Variants in SYK observed in about 807,000 individuals in gnomAD.
SYK encodes tyrosine-protein kinase SYK.
In SYK, 16 loss-of-function variants were observed where a neutral mutation model predicts 77.8. The observed-to-expected ratio is 0.21, with a 90% CI of 0.14 to 0.31. The LOEUF (loss-of-function observed/expected upper bound fraction) is 0.31. Ranked by LOEUF, SYK falls within the 10% of genes least tolerant of loss-of-function variation. SYK has a pLI of 1.00. For synonymous variants in SYK, 312 were observed against 308.7 expected, an observed-to-expected ratio of 1.01 and a Z score of -0.11; for missense variants, 529 against 814.4, an observed-to-expected ratio of 0.65 and a Z score of 4.26.
chr9:90,849,961 G>T (rs1011313472), intron 3 of SYK, among the ~76,000 whole-genome samples: 1 of 152,258 alleles, frequency 6.6e-6, no homozygotes, highest in Non-Finnish European at 1.5e-5. Context: ...GGATACATCA[G>T]TAACATACAC....
chr9:90,850,351 A>T (rs1348634177), intron 3 of SYK, among the ~76,000 whole-genome samples: 1 of 152,098 alleles, frequency 6.6e-6, no homozygotes, highest in Non-Finnish European at 1.5e-5. Context: ...CCCCATCTCT[A>T]CTAACAGTAT....
At position 90,884,484 on chromosome 9, in the gene SYK, CACAT is replaced by C. The variant is rs1261533685; in HGVS notation, c.1582-3261_1582-3258del. ...ATATGTGTGTACATATACATACACA[CACAT>C]ACACATATGTGTACATGTACATACA... On this transcript the variant is annotated intron_variant, in intron 11 of 13. Transcript: ENST00000375754. 6.6e-3 allele frequency among the ~76,000 whole-genome samples: 386 copies of C among 58,502 alleles called. 179 individuals carry two copies. Among genetic ancestry groups the C allele is most frequent in the African/African-American group, 0.027 (370 of 13,566 alleles). The allele number at this position is 58,502 out of a possible 152,430, so 38.4% of individuals were successfully genotyped here.
chr9:90,817,175 C>T (rs1260422227), intron 1 of SYK, among the ~76,000 whole-genome samples: 1 of 151,964 alleles, frequency 6.6e-6, no homozygotes, highest in African/African-American at 2.4e-5. Flanking sequence ...CCAGTGTGGC[C>T]CAGGAAAGCC....
At chr9:90,813,599 T>A (rs1048021353) in intron 1 of SYK, among the ~76,000 whole-genome samples, 2 of 152,190 alleles carry the variant, frequency 1.3e-5, no homozygotes, top group African/African-American at 4.8e-5. Context: ...TGGGTTGCTA[T>A]CAAGCTCAGA....
chr9:90,867,049 A>G (rs2118825323), intron 6 of SYK, 82 bp from the exon 7 acceptor site: 3 of 1,537,502 alleles, frequency 2.0e-6, no homozygotes, highest in Non-Finnish European at 1.8e-6. Context: ...ATAGAAGCAA[A>G]TTTAAGTAGC....
At chr9:90,863,738 G>A (rs983744232) in intron 4 of SYK, among the ~76,000 whole-genome samples, 1 of 152,150 alleles carries the variant, frequency 6.6e-6, no homozygotes, top group African/African-American at 2.4e-5. Flanking sequence ...GAATGCAAAG[G>A]CACCTGGAGT....
At chr9:90,841,315 G>A (rs560376207) in intron 1 of SYK, among the ~76,000 whole-genome samples, 3 of 150,792 alleles carry the variant, frequency 2.0e-5, no homozygotes, top group Non-Finnish European at 4.4e-5. Context: ...TTTGTGTGCT[G>A]CACGTAGTGT....
intron 1 of SYK, among the ~76,000 whole-genome samples, chr9:90,825,569 G>A (rs1409679021): frequency 6.6e-6 from 1 of 152,196 alleles, no homozygotes; most frequent in African/African-American, 2.4e-5. Flanking sequence ...TCAAAACAGT[G>A]GTCAGTGGTA....
intron 4 of SYK, among the ~76,000 whole-genome samples, chr9:90,863,690 A>T (rs950371694): frequency 3.3e-5 from 5 of 152,200 alleles, no homozygotes; most frequent in African/African-American, 1.2e-4. Context: ...AAAGCCCCAA[A>T]GCACATCAGG....
intron 11 of SYK, among the ~76,000 whole-genome samples, chr9:90,880,499 A>G (rs576631311): frequency 2.0e-5 from 3 of 152,276 alleles, no homozygotes; most frequent in Admixed American, 2.0e-4. Flanking sequence ...ACAGCAGCCT[A>G]GGATGACCAG....
At chr9:90,845,134 C>G (rs191498082) in intron 2 of SYK, among the ~76,000 whole-genome samples, 65 of 152,250 alleles carry the variant, frequency 4.3e-4, no homozygotes, top group African/African-American at 1.4e-3. Context: ...TGGGGTTTCA[C>G]CATGCTGGCC....
At chr9:90,882,160 T>C (rs893286454) in intron 11 of SYK, among the ~76,000 whole-genome samples, 7 of 152,254 alleles carry the variant, frequency 4.6e-5, no homozygotes, top group African/African-American at 1.7e-4. Flanking sequence ...TAAATTTCAT[T>C]GCATTTAAGA....
intron 3 of SYK, among the ~76,000 whole-genome samples, chr9:90,854,555 C>T (rs1024013361): frequency 1.3e-5 from 2 of 152,046 alleles, no homozygotes; most frequent in African/African-American, 4.8e-5. Context: ...TCTTGGGACC[C>T]TAGAAGTGCT....
At chr9:90,819,376 T>G (rs113441169) in intron 1 of SYK, among the ~76,000 whole-genome samples, 4,283 of 152,280 alleles carry the variant, frequency 0.028, 222 homozygotes, top group African/African-American at 0.098. Context: ...CACAGTGTAT[T>G]AGTTCATTTT....
intron 1 of SYK, among the ~76,000 whole-genome samples, chr9:90,841,556 TGTA>T (rs56651623): frequency 0.26 from 39,280 of 149,082 alleles, 5,291 homozygotes; most frequent in South Asian, 0.35. Flanking sequence ...ATGTGTGTGG[TGTA>T]GTGTGTGTGA....
At chr9:90,890,684 C>G (rs556101923) in intron 13 of SYK, among the ~76,000 whole-genome samples, 3 of 152,326 alleles carry the variant, frequency 2.0e-5, no homozygotes, top group South Asian at 4.1e-4. Context: ...AATCACAGCT[C>G]TTTATCAGAC....
chr9:90,877,926 C>A, intron 10 of SYK, 146 bp downstream of exon 10: 1 of 729,686 alleles, frequency 1.4e-6, no homozygotes, highest in Non-Finnish European at 2.3e-6. Flanking sequence ...GGGACCTTGA[C>A]AGAGGGACAG....
At chr9:90,824,208 C>G (rs960439741) in intron 1 of SYK, among the ~76,000 whole-genome samples, 3 of 152,062 alleles carry the variant, frequency 2.0e-5, no homozygotes. Context: ...AAATAGGTAG[C>G]CTGAATAGCC....
chr9:90,840,466 T>C (rs1467187060), intron 1 of SYK, among the ~76,000 whole-genome samples: 1 of 149,014 alleles, frequency 6.7e-6, no homozygotes, highest in Non-Finnish European at 1.5e-5. Context: ...AATGCAGGCG[T>C]GAGCCACCGC....
Sources: gnomAD v4.1 joint callset for allele counts (sites outside exome capture counted in the v4.1 genomes callset) on GRCh38, gnomAD v4.1.1 for gene constraint, MANE v1.5 for transcripts, NCBI Gene and HGNC (gene_info 2026-07-23, HGNC 2026-07-21) for gene names.